Variants in ERI1 observed in about 807,000 individuals in gnomAD.
ERI1 encodes the protein exoribonuclease 1, also known as 3'-5' exoribonuclease 1.
In ERI1, 39 loss-of-function variants were observed where a neutral mutation model predicts 39.7. The observed-to-expected ratio is 0.98, with a 90% CI of 0.76 to 1.28. ERI1 has a LOEUF of 1.28. ERI1 is among the 50% of genes most tolerant of loss of function. ERI1 has a pLI of 0.00. For missense variants in ERI1, 581 were observed against 416.9 expected (o/e 1.39, Z -3.43); for synonymous variants, 204 against 149.6 (o/e 1.36, Z -2.65).
chr8:9,058,504 A>C (rs1798585467), intron 3 of ERI1, among the ~76,000 whole-genome samples: 1 of 152,204 alleles, frequency 6.6e-6, no homozygotes. Flanking sequence ...AATGATAATG[A>C]CATTGTGGCA....
downstream of ERI1, among the ~76,000 whole-genome samples, chr8:9,035,869 G>A (rs375754529): frequency 2.6e-5 from 4 of 152,204 alleles, no homozygotes; most frequent in Non-Finnish European, 5.9e-5. Flanking sequence ...TTTGTGATTC[G>A]TGAGAGGAGG....
intron 3 of ERI1, among the ~76,000 whole-genome samples, chr8:9,066,047 C>T (rs1798864598): frequency 6.6e-6 from 1 of 152,116 alleles, no homozygotes; most frequent in African/African-American, 2.4e-5. Context: ...TCATCTTCTG[C>T]TTTGCGATAT....
At position 9,061,781 on chromosome 8, in the gene ERI1, G is replaced by A. The variant is rs80030734; in HGVS notation, n.299+41317G>A. ...ATGAGGAAGACATTTGGGCTTGACTGAAGTAATGGGTGCTGTCCGTGAAGT... is the reference window on the plus strand; with the variant it reads ...ATGAGGAAGACATTTGGGCTTGACTAAAGTAATGGGTGCTGTCCGTGAAGT... On this transcript the variant is annotated intron_variant and non_coding_transcript_variant, in intron 3 of 3. Coordinates refer to the ERI1 transcript ENST00000518663. 8.6e-3 allele frequency among the ~76,000 whole-genome samples: 1,307 copies of A among 151,422 alleles called. 26 individuals are homozygous for A. Among genetic ancestry groups the A allele is most frequent in the African/African-American group, 0.03 (1,233 of 41,122 alleles).
chr8:9,029,824 G>T lies in ERI1; in HGVS notation c.840G>T (p.Met280Ile), dbSNP rs1797458297. 1 of 1,614,028 alleles carries T rather than the reference G, an allele frequency of 6.2e-7. No individual in the cohort carries two copies. The highest frequency in any genetic ancestry group is 1.3e-5 in the African/African-American group (1 of 74,904). ...VPRSQTKLTI[M>I]LEKLGMDYDG... The stretch of plus-strand genomic sequence containing the variant: ...GAAGCCAAACCAAACTGACAATAAT[G>T]CTTGAAAAATTAGGAATGGATTATG... The change falls in exon 7 of 7, where the codon ATG (methionine) becomes ATT (isoleucine). Residue 280 changes from methionine (M) to isoleucine (I), a missense_variant. By Grantham distance (10) the Met-to-Ile change is conservative. Coordinates refer to ENST00000250263, the MANE Select transcript of ERI1 (RefSeq NM_153332.4).
chr8:9,029,987 C>A lies in ERI1; in HGVS notation c.1003C>A (p.Pro335Thr). 1 of 1,613,754 alleles carries A rather than the reference C, an allele frequency of 6.2e-7. No homozygotes were observed. The highest frequency in any genetic ancestry group is 2.2e-5 in the East Asian group (1 of 44,816). ...GQLMSVSSSL[P>T]IEGTPPPQMP... ...GCTAATGAGTGTGTCCTCTTCCTTA[C>A]CAATAGAGGGCACTCCACCACCACA... Residue 335 changes from proline (P) to threonine (T), a missense_variant, in exon 7 of 7, where the codon CCA (proline) becomes ACA (threonine). Pro to Thr is a conservative substitution (Grantham distance 38). Coordinates refer to ENST00000250263, the MANE Select transcript of ERI1 (RefSeq NM_153332.4).
intron 1 of ERI1, chr8:9,004,281 T>C: frequency 8.5e-7 from 1 of 1,169,742 alleles, no homozygotes; most frequent in Non-Finnish European, 1.1e-6. Context: ...CTGAGATACG[T>C]TGTCAATCTC....
intron 3 of ERI1, among the ~76,000 whole-genome samples, chr8:9,040,875 C>T (rs537204343): frequency 4.7e-4 from 72 of 152,192 alleles, no homozygotes; most frequent in African/African-American, 1.4e-3. Context: ...TCCATCAGCC[C>T]GCCAGCACCA....
At chr8:9,093,684 C>T (rs749193311) in intron 3 of ERI1, among the ~76,000 whole-genome samples, 3 of 152,192 alleles carry the variant, frequency 2.0e-5, no homozygotes, top group Non-Finnish European at 4.4e-5. Flanking sequence ...TCTCCTTCCT[C>T]AGCCTCCTGA....
chr8:9,092,373 G>A (rs1463702557), intron 3 of ERI1, among the ~76,000 whole-genome samples: 1 of 151,982 alleles, frequency 6.6e-6, no homozygotes, highest in African/African-American at 2.4e-5. Context: ...GAATCTTCCC[G>A]TCTACACCAT....
chr8:9,093,803 C>G (rs1167131067), intron 3 of ERI1, among the ~76,000 whole-genome samples: 1 of 152,144 alleles, frequency 6.6e-6, no homozygotes, highest in African/African-American at 2.4e-5. Context: ...TCTCGAACTC[C>G]TGACCTCAGA....
At chr8:9,042,706 C>T (rs1290218634) in intron 3 of ERI1, among the ~76,000 whole-genome samples, 2 of 152,150 alleles carry the variant, frequency 1.3e-5, no homozygotes, top group Non-Finnish European at 1.5e-5. Context: ...GGTTGAGCAT[C>T]CCTAGTGCGA....
At chr8:9,003,353 A>T (rs1341744554) in intron 1 of ERI1, among the ~76,000 whole-genome samples, 182 bp downstream of exon 1, 1 of 152,334 alleles carries the variant, frequency 6.6e-6, no homozygotes, top group South Asian at 2.1e-4. Flanking sequence ...GAGCCCCCTC[A>T]GGGCCGAATC....
In ERI1 at chr8:9,030,393, T is replaced by G. The variant is rs1797503463; in HGVS notation, c.*359T>G. The G allele has an allele frequency of 5.0e-6, 1 of 200,174 alleles. No homozygotes were observed. The highest frequency in any genetic ancestry group is 1.0e-4 in the South Asian group (1 of 9,964). 12.4% of individuals were successfully genotyped at this position (200,174 alleles called of 1,614,324 possible). A position where few individuals can be genotyped will look rare whatever the true frequency, so the allele number is the denominator to read the frequency against. The stretch of plus-strand genomic sequence containing the variant: ...TACTGGTGTTTAAATATGTAATGTG[T>G]TTCTTTATTAACATCACTAGATGAA... On this transcript the variant is annotated 3_prime_UTR_variant, in exon 7 of 7. Coordinates refer to ENST00000250263, the MANE Select transcript of ERI1 (RefSeq NM_153332.4).
downstream of ERI1, among the ~76,000 whole-genome samples, chr8:9,038,021 ATTGT>A (rs1372198936): frequency 6.6e-6 from 1 of 152,128 alleles, no homozygotes; most frequent in Non-Finnish European, 1.5e-5. Context: ...CTTGAAAAAA[ATTGT>A]TTGAAAAGGA....
chr8:9,076,855 G>T (rs942216021), intron 3 of ERI1, among the ~76,000 whole-genome samples: 1 of 152,238 alleles, frequency 6.6e-6, no homozygotes, highest in African/African-American at 2.4e-5. Flanking sequence ...CCACAGGAGA[G>T]CTGCCCCACC....
chr8:9,087,931 T>G (rs1799581983), intron 3 of ERI1, among the ~76,000 whole-genome samples: 1 of 152,150 alleles, frequency 6.6e-6, no homozygotes, highest in African/African-American at 2.4e-5. Flanking sequence ...AGACTTTCAG[T>G]ACAAATAAGG....
At chr8:9,008,864 T>C (rs1816340814) in intron 2 of ERI1, among the ~76,000 whole-genome samples, 1 of 152,212 alleles carries the variant, frequency 6.6e-6, no homozygotes, top group African/African-American at 2.4e-5. Flanking sequence ...AAACTCTTCC[T>C]TTTTCAAGAC....
chr8:9,011,075 CA>C (rs1816616670), intron 2 of ERI1, among the ~76,000 whole-genome samples: 1 of 152,054 alleles, frequency 6.6e-6, no homozygotes, highest in Admixed American at 6.6e-5. Context: ...GACTAACCTA[CA>C]AAAGCCAAAA....
intron 3 of ERI1, among the ~76,000 whole-genome samples, chr8:9,098,807 T>C (rs958781152): frequency 6.6e-6 from 1 of 152,164 alleles, no homozygotes; most frequent in Non-Finnish European, 1.5e-5. Context: ...AAATTGCACA[T>C]ATTTCAAATA....
Sources: allele counts gnomAD v4.1 joint callset (sites outside exome capture counted in the v4.1 genomes callset), GRCh38; gene constraint gnomAD v4.1.1; transcripts MANE v1.5; gene names NCBI Gene and HGNC (gene_info 2026-07-23, HGNC 2026-07-21).